The following GPC5 variants were observed in gnomAD, a reference collection of about 807,000 sequenced individuals.
The protein encoded by GPC5 is glypican 5, also known as glypican-5.
GPC5 carries 47 observed loss-of-function variants against 53.9 expected under a neutral mutation model. That is an observed-to-expected ratio of 0.87 (90% CI 0.69 to 1.11). GPC5 has a LOEUF of 1.11. GPC5 is among the 50% of genes most tolerant of loss of function. The pLI is 0.00. For missense variants in GPC5, 748 were observed against 713.1 expected (o/e 1.05, Z -0.56); for synonymous variants, 286 against 263.3 (o/e 1.09, Z -0.84).
At chr13:91,624,286 G>A (rs2033942247) in intron 2 of GPC5, among the ~76,000 whole-genome samples, 1 of 152,150 alleles carries the variant, frequency 6.6e-6, no homozygotes, top group Non-Finnish European at 1.5e-5. Context: ...AGACAAAATG[G>A]TCAAAAGCAC....
chr13:92,555,387 C>T (rs1882459536), intron 7 of GPC5, among the ~76,000 whole-genome samples: 1 of 151,268 alleles, frequency 6.6e-6, no homozygotes, highest in African/African-American at 2.4e-5. Flanking sequence ...TGAAAGATAC[C>T]TAAAATTACT....
intron 7 of GPC5, among the ~76,000 whole-genome samples, chr13:92,194,647 A>T (rs1455896316): frequency 6.6e-6 from 1 of 152,228 alleles, no homozygotes; most frequent in Admixed American, 6.5e-5. Context: ...AATCAGTTTC[A>T]GTTTGCTGCA....
intron 6 of GPC5, among the ~76,000 whole-genome samples, chr13:92,009,045 G>C (rs2040636298): frequency 6.6e-6 from 1 of 151,518 alleles, no homozygotes; most frequent in Non-Finnish European, 1.5e-5. Flanking sequence ...TCCATTTCTT[G>C]CCTAATTATT....
At chr13:91,578,228 C>T (rs905329595) in intron 2 of GPC5, among the ~76,000 whole-genome samples, 5 of 152,200 alleles carry the variant, frequency 3.3e-5, no homozygotes, top group Non-Finnish European at 7.3e-5. Context: ...CAAATGATAG[C>T]TCTCCTGGCT....
chr13:92,611,683 A>G (rs562164992), intron 7 of GPC5, among the ~76,000 whole-genome samples: 1 of 152,254 alleles, frequency 6.6e-6, no homozygotes, highest in Admixed American at 6.5e-5. Context: ...TATTCCAAAC[A>G]CTTATTTAAT....
intron 5 of GPC5, among the ~76,000 whole-genome samples, chr13:91,824,463 C>G (rs970199067): frequency 6.6e-6 from 1 of 152,076 alleles, no homozygotes; most frequent in African/African-American, 2.4e-5. Context: ...AGTTTTGCAA[C>G]ATGGCAAAGT....
chr13:91,891,178 C>T (rs1198417971), intron 5 of GPC5, among the ~76,000 whole-genome samples: 1 of 152,130 alleles, frequency 6.6e-6, no homozygotes, highest in Admixed American at 6.5e-5. Context: ...TACAGAGCTA[C>T]AATCTAATAA....
chr13:92,665,570 T>C (rs1322703651), intron 7 of GPC5, among the ~76,000 whole-genome samples: 2 of 152,148 alleles, frequency 1.3e-5, no homozygotes, highest in African/African-American at 4.8e-5. Context: ...AGTTCATAAA[T>C]AAATAAGAAA....
intron 5 of GPC5, among the ~76,000 whole-genome samples, chr13:91,830,780 TATATATATACTATTATATATATA>T (rs1404010600): frequency 3.3e-5 from 4 of 120,632 alleles, no homozygotes; most frequent in Admixed American, 1.9e-4. Context: ...ATATATAAAA[TATATATATACTATTATATATATA>T]ATATATATCC....
chr13:92,020,544 G>T (rs1046874054), intron 6 of GPC5, among the ~76,000 whole-genome samples: 2 of 151,590 alleles, frequency 1.3e-5, no homozygotes, highest in Admixed American at 6.6e-5. Flanking sequence ...TGTGGTTTTT[G>T]GTTTCTCTGA....
In GPC5 at chr13:92,144,975, T is replaced by G; in HGVS notation, c.1547T>G (p.Leu516Arg). Residue 516 changes from leucine (L) to arginine (R), a missense_variant, in exon 7 of 8, where the codon CTG (leucine) becomes CGG (arginine). By Grantham distance (102) the Leu-to-Arg change is moderately radical. Coordinates refer to ENST00000377067, the MANE Select transcript of GPC5 (RefSeq NM_004466.6). ...GGAAGTGGAGAAGTCAAGAGGACAC[T>G]GAAGATCACAGACTGTAAGTGTATG... The part of the protein sequence containing the change: ...GSGSGEVKRT[L>R]KITDWMPDDM... 1 of 1,521,408 alleles carries G rather than the reference T, an allele frequency of 6.6e-7. No individual in the cohort carries two copies. Among genetic ancestry groups the G allele is most frequent in the Non-Finnish European group, 8.8e-7 (1 of 1,139,422 alleles). 94.2% of individuals were successfully genotyped at this position (1,521,408 alleles called of 1,614,324 possible). A position where few individuals can be genotyped will look rare whatever the true frequency, so the allele number is the denominator to read the frequency against.
intron 7 of GPC5, among the ~76,000 whole-genome samples, chr13:92,188,931 A>T (rs2042203141): frequency 6.6e-6 from 1 of 152,184 alleles, no homozygotes; most frequent in South Asian, 2.1e-4. Context: ...CACTGCCCTA[A>T]AACTTGGAGA....
At chr13:92,076,886 C>A (rs1024954610) in intron 6 of GPC5, among the ~76,000 whole-genome samples, 1 of 152,122 alleles carries the variant, frequency 6.6e-6, no homozygotes. Flanking sequence ...AATTCTAGCA[C>A]CTTTTAAAGG....
chr13:92,752,506 T>C (rs965226584), intron 7 of GPC5, among the ~76,000 whole-genome samples: 7 of 152,112 alleles, frequency 4.6e-5, no homozygotes, highest in African/African-American at 9.7e-5. Context: ...CGAATAGGAA[T>C]AGCTCCGGTC....
At chr13:91,441,888 A>G (rs1482357422) in intron 1 of GPC5, among the ~76,000 whole-genome samples, 2 of 152,194 alleles carry the variant, frequency 1.3e-5, no homozygotes, top group Non-Finnish European at 2.9e-5. Flanking sequence ...ATTTCATAAC[A>G]TGTAACATCC....
chr13:92,755,230 C>T (rs907273169), intron 7 of GPC5, among the ~76,000 whole-genome samples: 1 of 140,528 alleles, frequency 7.1e-6, no homozygotes, highest in East Asian at 2.2e-4. Flanking sequence ...TGAATGACTA[C>T]TGGGTACATA....
intron 1 of GPC5, among the ~76,000 whole-genome samples, chr13:91,430,372 T>C (rs576273373): frequency 1.3e-5 from 2 of 152,346 alleles, no homozygotes; most frequent in South Asian, 2.1e-4. Context: ...CCAGTCAACA[T>C]ACCTCATGTT....
intron 2 of GPC5, among the ~76,000 whole-genome samples, chr13:91,522,473 C>G (rs1397724914): frequency 1.3e-5 from 2 of 152,146 alleles, no homozygotes; most frequent in Non-Finnish European, 2.9e-5. Flanking sequence ...TAGCTGCGCA[C>G]TCTTTTTTCT....
chr13:92,253,240 C>T (rs907332645), intron 7 of GPC5, among the ~76,000 whole-genome samples: 6 of 152,036 alleles, frequency 3.9e-5, no homozygotes, highest in South Asian at 2.1e-4. Context: ...AAAGAGTGAG[C>T]GTTTTAACCA....
Sources: allele counts gnomAD v4.1 joint callset (sites outside exome capture counted in the v4.1 genomes callset), GRCh38; gene constraint gnomAD v4.1.1; transcripts MANE v1.5; gene names NCBI Gene and HGNC (gene_info 2026-07-23, HGNC 2026-07-21).